ZKSCAN2: variants seen among roughly 807,000 people sequenced by gnomAD.
ZKSCAN2 encodes zinc finger with KRAB and SCAN domains 2.
Under a neutral mutation model 90.5 loss-of-function variants are expected in ZKSCAN2, and 38 were observed. The observed-to-expected ratio is 0.42, with a 90% CI of 0.32 to 0.55. The LOEUF (loss-of-function observed/expected upper bound fraction) is 0.55, where lower values mean the gene tolerates loss of function less well. Ranked by LOEUF, ZKSCAN2 falls within the 20% of genes least tolerant of loss-of-function variation. The pLI, the probability that ZKSCAN2 is intolerant of heterozygous loss-of-function variation, is 0.11. For synonymous variants in ZKSCAN2, 429 were observed against 421.6 expected, an observed-to-expected ratio of 1.02 and a Z score of -0.22; for missense variants, 1,167 against 1,202.6, an observed-to-expected ratio of 0.97 and a Z score of 0.44.
intron 4 of ZKSCAN2, among the ~76,000 whole-genome samples, chr16:25,250,265 C>T (rs1008905823): frequency 2.2e-4 from 33 of 152,094 alleles, no homozygotes; most frequent in African/African-American, 7.0e-4. Flanking sequence ...GCCGAGATTG[C>T]ACCACTGCAC....
chr16:25,245,351 A>G (rs1962915953), intron 5 of ZKSCAN2, among the ~76,000 whole-genome samples: 1 of 152,198 alleles, frequency 6.6e-6, no homozygotes, highest in Non-Finnish European at 1.5e-5. Flanking sequence ...GGATCCTCCC[A>G]TCTCAGTCTC....
At chr16:25,253,675 C>T (rs115496399) in intron 2 of ZKSCAN2, among the ~76,000 whole-genome samples, 146 of 152,326 alleles carry the variant, frequency 9.6e-4, no homozygotes, top group African/African-American at 3.2e-3. Context: ...TTCATGCTGC[C>T]GCATTTAATC....
Position 25,240,221 on chromosome 16 carries a change from G to GC in ZKSCAN2, c.2498dup (p.Cys833TrpfsTer9), listed in dbSNP as rs1567349889. The stretch of plus-strand genomic sequence containing the variant: ...GACTAAAGCATTTTCCACACTCTCC[G>GC]CATCTGTAGGGTTTCTCTCCTGTGT... On this transcript the variant is annotated frameshift_variant, in exon 7 of 7. Transcript: ENST00000328086. LOFTEE classifies it high-confidence loss of function. 1 of 1,613,994 alleles carries GC rather than the reference G, an allele frequency of 6.2e-7. No individual in the cohort carries two copies. Among genetic ancestry groups the GC allele is most frequent in the South Asian group, 1.1e-5 (1 of 91,060 alleles).
intron 1 of ZKSCAN2, among the ~76,000 whole-genome samples, 199 bp from the exon 2 acceptor site, chr16:25,255,591 T>C (rs181310210): frequency 4.7e-4 from 72 of 152,300 alleles, no homozygotes; most frequent in African/African-American, 1.7e-3. Flanking sequence ...AACAGTGTTC[T>C]TTTTTCTGAG....
chr16:25,247,592 C>T lies in ZKSCAN2; in HGVS notation c.806-202G>A, dbSNP rs75153361. Among the ~76,000 whole-genome samples, 511 of 152,256 alleles carry T rather than the reference C, an allele frequency of 3.4e-3. 2 individuals carry two copies. Among genetic ancestry groups the T allele is most frequent in the African/African-American group, 0.012 (481 of 41,544 alleles). ...GATCATTTTACTTCTCATATATGTA[C>T]CATTTCTTTTCCTAGCTAGTTCTTA... On this transcript the variant is annotated intron_variant, in intron 4 of 6. Transcript: ENST00000328086.
At chr16:25,247,450 C>G in intron 4 of ZKSCAN2, 60 bp from the exon 5 acceptor site, 1 of 1,445,452 alleles carries the variant, frequency 6.9e-7, no homozygotes, top group Non-Finnish European at 9.4e-7. Context: ...ATGCCTCAAT[C>G]TTCTGCTGTC....
chr16:25,241,138 A>G lies in ZKSCAN2; in HGVS notation c.1982-400T>C, dbSNP rs988735817. Among the ~76,000 whole-genome samples the G allele has an allele frequency of 3.3e-5, 5 of 152,324 alleles. No homozygotes were observed. In the East Asian group the frequency reaches 5.8e-4, roughly 18 times the overall value. ...TCCAAGTTCCTCGAGGGACTTCAGG[A>G]ACTAAATTCCTCTACATATCTAATC... On this transcript the variant is annotated intron_variant, in intron 6 of 6. Coordinates refer to ENST00000328086, the MANE Select transcript of ZKSCAN2 (RefSeq NM_001012981.5).
At chr16:25,250,376 C>T (rs1963003182) in intron 4 of ZKSCAN2, among the ~76,000 whole-genome samples, 1 of 151,860 alleles carries the variant, frequency 6.6e-6, no homozygotes, top group African/African-American at 2.4e-5. Flanking sequence ...GTGAAATAAA[C>T]CAGACAGAGG....
Position 25,256,937 on chromosome 16 carries a change from C to G in ZKSCAN2, c.191G>C (p.Ser64Thr), listed in dbSNP as rs957000061. ...EDVTGPHEAF[S>T]KLWELCCRWL... Reference sequence around the variant, plus strand: ...CCGGCAGCAAAGTTCCCAGAGTTTACTGAAAGCTTCATGGGGTCCAGTCAC... The same window carrying G: ...CCGGCAGCAAAGTTCCCAGAGTTTAGTGAAAGCTTCATGGGGTCCAGTCAC... The change falls in exon 1 of 7, where the codon AGT becomes ACT. Residue 64 changes from serine to threonine, a missense_variant. Physicochemically the swap from Ser to Thr is moderately conservative, Grantham distance 58. Transcript: ENST00000328086. 9.3e-6 allele frequency: 15 copies of G among 1,614,248 alleles called. No individual in the cohort carries two copies. Among genetic ancestry groups the G allele is most frequent in the Non-Finnish European group, 1.3e-5 (15 of 1,180,042 alleles).
At chr16:25,248,183 G>T (rs1031105119) in intron 4 of ZKSCAN2, among the ~76,000 whole-genome samples, 3 of 149,876 alleles carry the variant, frequency 2.0e-5, no homozygotes, top group Admixed American at 1.3e-4. Flanking sequence ...CTTGACACTG[G>T]TCTGGGCAAT....
rs1962777227 is a variant in ZKSCAN2 at position 25,236,956 on chromosome 16, G to C, written c.*2860C>G. 6.6e-6 allele frequency: 1 copy of C among 152,584 alleles called. No homozygotes were observed. Among genetic ancestry groups the C allele is most frequent in the Non-Finnish European group, 1.5e-5 (1 of 68,034 alleles). The allele number at this position is 152,584 out of a possible 1,614,324, so 9.5% of individuals were successfully genotyped here. A position where few individuals can be genotyped will look rare whatever the true frequency, so the allele number is the denominator to read the frequency against. On this transcript the variant is annotated 3_prime_UTR_variant, in exon 7 of 7. Coordinates refer to ENST00000328086, the MANE Select transcript of ZKSCAN2 (RefSeq NM_001012981.5). ...ATATAGGTTGGGGTAGTTGGTTGAGGTGGGCTGTAAGTTTTGTTGAACTTT... is the reference window on the plus strand; with the variant it reads ...ATATAGGTTGGGGTAGTTGGTTGAGCTGGGCTGTAAGTTTTGTTGAACTTT...
intron 2 of ZKSCAN2, among the ~76,000 whole-genome samples, chr16:25,254,644 G>T (rs1484447678): frequency 2.0e-5 from 3 of 152,114 alleles, no homozygotes; most frequent in Admixed American, 2.0e-4. Flanking sequence ...GCCCAGGCTG[G>T]TCTTGAACTC....
At chr16:25,248,323 C>CAAA (rs1962968839) in intron 4 of ZKSCAN2, among the ~76,000 whole-genome samples, 1 of 83,496 alleles carries the variant, frequency 1.2e-5, no homozygotes, top group African/African-American at 4.5e-5. Flanking sequence ...TCCAAAACAA[C>CAAA]AACAAAAACA....
Position 25,254,537 on chromosome 16 carries a change from C to T in ZKSCAN2, c.586+669G>A, listed in dbSNP as rs185622534. 2.6e-5 allele frequency among the ~76,000 whole-genome samples: 4 copies of T among 152,324 alleles called. No homozygotes were observed. In the East Asian group the frequency reaches 7.7e-4, roughly 29 times the overall value. ...TGACTTATTTATAGTCAGCCAAGAGCACATACACATGGCAGGACTGAAAAA... is the reference window on the plus strand; with the variant it reads ...TGACTTATTTATAGTCAGCCAAGAGTACATACACATGGCAGGACTGAAAAA... On this transcript the variant is annotated intron_variant, in intron 2 of 6. Transcript: ENST00000328086.
At chr16:25,250,050 C>T (rs909450010) in intron 4 of ZKSCAN2, among the ~76,000 whole-genome samples, 10 of 152,190 alleles carry the variant, frequency 6.6e-5, no homozygotes, top group Non-Finnish European at 1.3e-4. Flanking sequence ...GTGGCTCACA[C>T]CTGTAATCCC....
Position 25,257,211 on chromosome 16 carries a change from G to A in ZKSCAN2, c.-84C>T. The A allele has an allele frequency of 6.6e-7, 1 of 1,511,242 alleles. No individual in the cohort carries two copies. The highest frequency in any genetic ancestry group is 8.8e-7 in the Non-Finnish European group (1 of 1,136,298). 93.6% of individuals were successfully genotyped at this position (1,511,242 alleles called of 1,614,324 possible). ...CAAGCGCTCCCTGCTTAATGTTCCT[G>A]GGAGTGTGATAAGGTACGGAGGTAA... On this transcript the variant is annotated 5_prime_UTR_variant, in exon 1 of 7. Transcript: ENST00000328086.
Position 25,255,279 on chromosome 16 carries a change from T to A in ZKSCAN2, c.513A>T (p.Glu171Asp), listed in dbSNP as rs747201915. ...GGTGTCCTGAGTGGAGGCTTCCAGG[T>A]TCCTCCCGAGACACCGCCCTGGGTT... Reference protein sequence around the residue: ...ETQPRAVSREEPGSLHSGHQE... With the variant: ...ETQPRAVSREDPGSLHSGHQE... Residue 171 changes from glutamate (E) to aspartate (D), a missense_variant, in exon 2 of 7, where the codon GAA becomes GAT. By Grantham distance (45) the Glu-to-Asp change is conservative (BLOSUM62 2). Coordinates refer to ENST00000328086, the MANE Select transcript of ZKSCAN2 (RefSeq NM_001012981.5). 3.7e-6 allele frequency: 6 copies of A among 1,613,576 alleles called. No individual in the cohort carries two copies. The African/African-American group carries it at 6.7e-5, about 18-fold the overall frequency.
chr16:25,255,595 T>C (rs1963088797), intron 1 of ZKSCAN2, among the ~76,000 whole-genome samples: 1 of 152,220 alleles, frequency 6.6e-6, no homozygotes, highest in Non-Finnish European at 1.5e-5. Flanking sequence ...GTGTTCTTTT[T>C]TCTGAGACAG....
At position 25,240,592 on chromosome 16, in the gene ZKSCAN2, A is replaced by C; in HGVS notation, c.2128T>G (p.Ser710Ala). 6.2e-7 allele frequency: 1 copy of C among 1,614,124 alleles called. No individual in the cohort carries two copies. Among genetic ancestry groups the C allele is most frequent in the Non-Finnish European group, 8.5e-7 (1 of 1,180,010 alleles). Reference protein sequence around the residue: ...PSKYRKRECISGRQWENLQGI... With the variant: ...PSKYRKRECIAGRQWENLQGI... ...TGAAGATTTTCCCATTGTCTTCCTG[A>C]GATGCATTCCCTTTTGCGATATTTG... Residue 710 changes from serine to alanine, a missense_variant, in exon 7 of 7, where the codon TCA becomes GCA. Physicochemically the swap from Ser to Ala is moderately conservative, Grantham distance 99. Coordinates refer to ENST00000328086, the MANE Select transcript of ZKSCAN2 (RefSeq NM_001012981.5).
Sources: gnomAD v4.1 joint callset for allele counts (sites outside exome capture counted in the v4.1 genomes callset) on GRCh38, gnomAD v4.1.1 for gene constraint, MANE v1.5 for transcripts, NCBI Gene and HGNC (gene_info 2026-07-23, HGNC 2026-07-21) for gene names.